PRELID2: variants seen among roughly 807,000 people sequenced by gnomAD.
The protein encoded by PRELID2 is PRELI domain-containing protein 2.
In PRELID2, 25 loss-of-function variants were observed where a neutral mutation model predicts 28.4. The observed-to-expected ratio is 0.88, with a 90% CI of 0.64 to 1.23. The LOEUF is 1.23. PRELID2 is among the 50% of genes most tolerant of loss of function. The probability of loss-of-function intolerance (pLI) is 0.00; values close to 1 mark genes in which losing one functional copy is unlikely to be tolerated. For synonymous variants in PRELID2, 76 were observed against 71.6 expected, an observed-to-expected ratio of 1.06 and a Z score of -0.31; for missense variants, 201 against 214.4, an observed-to-expected ratio of 0.94 and a Z score of 0.39.
intron 1 of PRELID2, among the ~76,000 whole-genome samples, chr5:145,679,983 A>G (rs1317846779): frequency 4.6e-5 from 7 of 151,914 alleles, no homozygotes; most frequent in Non-Finnish European, 8.8e-5. Context: ...TAAAGTTCCA[A>G]TGTTTGTATT....
At chr5:145,472,666 G>A (rs1270605976) in intron 2 of PRELID2, among the ~76,000 whole-genome samples, 2 of 152,136 alleles carry the variant, frequency 1.3e-5, no homozygotes, top group African/African-American at 4.8e-5. Context: ...CTAGTTATGT[G>A]ATCTTCAGCA....
At chr5:145,360,623 A>G in the PRELID2 span, among the ~76,000 whole-genome samples, 1 of 152,214 alleles carries the variant, frequency 6.6e-6, no homozygotes, top group African/African-American at 2.4e-5. Context: ...AATGCCAACA[A>G]TATAAAAAAT....
At chr5:145,615,046 T>A (rs1753674273) in intron 1 of PRELID2, among the ~76,000 whole-genome samples, 1 of 152,168 alleles carries the variant, frequency 6.6e-6, no homozygotes, top group Admixed American at 6.5e-5. Flanking sequence ...CTGTTTCATT[T>A]CTTAGGTCTA....
the PRELID2 span, among the ~76,000 whole-genome samples, chr5:145,313,958 C>T: frequency 6.6e-6 from 1 of 152,184 alleles, no homozygotes; most frequent in Admixed American, 6.5e-5. Flanking sequence ...GACTCTTGTT[C>T]TGATGGCCGT....
intron 1 of PRELID2, among the ~76,000 whole-genome samples, chr5:145,666,000 AAAG>A (rs1331006007): frequency 3.5e-5 from 5 of 143,162 alleles, no homozygotes; most frequent in South Asian, 2.2e-4. Flanking sequence ...AAAAAAAAAA[AAAG>A]AAAGAAAGAA....
At chr5:145,631,584 T>C (rs1753933356) in intron 1 of PRELID2, among the ~76,000 whole-genome samples, 1 of 152,152 alleles carries the variant, frequency 6.6e-6, no homozygotes, top group South Asian at 2.1e-4. Context: ...GTAAACACCA[T>C]GAGTTCAAGG....
At chr5:145,246,366 TG>T in the PRELID2 span, among the ~76,000 whole-genome samples, 16 of 152,094 alleles carry the variant, frequency 1.1e-4, no homozygotes, top group African/African-American at 3.9e-4. Context: ...CAAAATGACA[TG>T]GCCTTTGCTT....
At chr5:145,749,254 G>A (rs528192142) in intron 1 of PRELID2, among the ~76,000 whole-genome samples, 1 of 151,918 alleles carries the variant, frequency 6.6e-6, no homozygotes, top group African/African-American at 2.4e-5. Context: ...AATTTACAAG[G>A]AACTTAAACA....
chr5:145,724,600 A>AATAAATATAT (rs1308255896), intron 1 of PRELID2, among the ~76,000 whole-genome samples: 8 of 24,776 alleles, frequency 3.2e-4, no homozygotes, highest in East Asian at 1.6e-3. Context: ...GAAGTAAATA[A>AATAAATATAT]ATATATATAT....
At chr5:145,673,379 C>G (rs1237485334) in intron 1 of PRELID2, among the ~76,000 whole-genome samples, 1 of 151,920 alleles carries the variant, frequency 6.6e-6, no homozygotes, top group African/African-American at 2.4e-5. Context: ...GTATCAGGCA[C>G]TATTCAAAAC....
chr5:145,330,443 A>G, the PRELID2 span, among the ~76,000 whole-genome samples: 1 of 152,132 alleles, frequency 6.6e-6, no homozygotes, highest in East Asian at 1.9e-4. Context: ...TGCTGCCTCA[A>G]TTTCAGAACT....
chr5:145,662,865 T>C (rs1754521374), intron 1 of PRELID2, among the ~76,000 whole-genome samples: 1 of 152,086 alleles, frequency 6.6e-6, no homozygotes, highest in African/African-American at 2.4e-5. Context: ...CTTTTCTTTA[T>C]AAATTACCCA....
chr5:145,465,330 T>A, the PRELID2 span, among the ~76,000 whole-genome samples: 1 of 152,122 alleles, frequency 6.6e-6, no homozygotes, highest in African/African-American at 2.4e-5. Flanking sequence ...TAGAGAGTAA[T>A]CAGTCACTAT....
chr5:145,601,977 A>G (rs10063987), intron 1 of PRELID2, among the ~76,000 whole-genome samples: 29,345 of 152,080 alleles, frequency 0.19, 5,012 homozygotes, highest in African/African-American at 0.45. Flanking sequence ...CTAGGAGAAA[A>G]GGAGTTGGAA....
intron 1 of PRELID2, among the ~76,000 whole-genome samples, chr5:145,740,046 G>C (rs971328593): frequency 2.0e-5 from 3 of 150,826 alleles, no homozygotes; most frequent in African/African-American, 4.8e-5. Flanking sequence ...AACTGGAAGA[G>C]TGGCTTAAAA....
chr5:145,536,645 T>C (rs557773933), intron 1 of PRELID2, among the ~76,000 whole-genome samples: 8 of 151,908 alleles, frequency 5.3e-5, no homozygotes, highest in South Asian at 2.1e-4. Flanking sequence ...TCGGAGTCCA[T>C]AGGGGCCAGG....
At chr5:145,377,782 C>A in the PRELID2 span, among the ~76,000 whole-genome samples, 1 of 152,072 alleles carries the variant, frequency 6.6e-6, no homozygotes, top group East Asian at 1.9e-4. Flanking sequence ...AGCAGCATAC[C>A]AATGGGTCTT....
chr5:145,514,318 C>CAAAAA lies in PRELID2; in HGVS notation n.71-41008_71-41004dup, dbSNP rs55760860. Among the ~76,000 whole-genome samples the CAAAAA allele has an allele frequency of 2.7e-3, 180 of 67,480 alleles. 5 individuals carry two copies. The highest frequency in any genetic ancestry group is 9.5e-3 in the African/African-American group (168 of 17,650). 44.3% of individuals were successfully genotyped at this position (67,480 alleles called of 152,430 possible). On this transcript the variant is annotated intron_variant and non_coding_transcript_variant, in intron 1 of 2. Coordinates refer to the PRELID2 transcript ENST00000510259. ...GAATATTTACCAAGCAAATGGAAAGCAAAAAAAAAAAAAAAGCATGGGTTG... is the reference window on the plus strand; with the variant it reads ...GAATATTTACCAAGCAAATGGAAAGCAAAAAAAAAAAAAAAAAAAAGCATGGGTTG...
chr5:145,449,531 G>A, the PRELID2 span, among the ~76,000 whole-genome samples: 6 of 152,148 alleles, frequency 3.9e-5, no homozygotes, highest in African/African-American at 1.4e-4. Context: ...GGGTTTATAT[G>A]GGTACATAAC....
Sources: allele counts gnomAD v4.1 joint callset (sites outside exome capture counted in the v4.1 genomes callset), GRCh38; gene constraint gnomAD v4.1.1; transcripts MANE v1.5; gene names NCBI Gene and HGNC (gene_info 2026-07-23, HGNC 2026-07-21).